Variants in HMCN1 observed in about 807,000 individuals in gnomAD.
HMCN1 encodes hemicentin 1.
HMCN1 carries 321 observed loss-of-function variants against 625.9 expected under a neutral mutation model. The observed-to-expected ratio is 0.51, with a 90% CI of 0.47 to 0.56. The LOEUF (loss-of-function observed/expected upper bound fraction) is 0.56, where lower values mean the gene tolerates loss of function less well. Among genes scored for constraint, HMCN1 ranks in the 20% least tolerant of loss-of-function variants. HMCN1 has a pLI of 0.00. For missense variants in HMCN1, 6,588 were observed against 6,887.3 expected (o/e 0.96, Z 1.54); for synonymous variants, 2,425 against 2,417.6 (o/e 1.00, Z -0.09).
At chr1:186,082,504 G>A (rs943182951) in intron 56 of HMCN1, among the ~76,000 whole-genome samples, 2 of 152,086 alleles carry the variant, frequency 1.3e-5, no homozygotes, top group Non-Finnish European at 2.9e-5. Context: ...AGTCACTTCC[G>A]TCACGCTCTG....
At chr1:185,895,095 TTTG>T (rs1665410560) in intron 4 of HMCN1, among the ~76,000 whole-genome samples, 1 of 95,754 alleles carries the variant, frequency 1.0e-5, no homozygotes, top group African/African-American at 1.2e-4. Context: ...ATTAATATTA[TTTG>T]TTATTTTTTG....
chr1:185,987,625 G>T (rs1043234803), intron 20 of HMCN1, 81 bp downstream of exon 20: 14 of 959,576 alleles, frequency 1.5e-5, no homozygotes, highest in Non-Finnish European at 2.1e-5. Context: ...TTGAGCAGGA[G>T]GCTCAGGAGT....
At chr1:186,085,145 A>T (rs1659394687) in intron 57 of HMCN1, among the ~76,000 whole-genome samples, 1 of 152,054 alleles carries the variant, frequency 6.6e-6, no homozygotes, top group African/African-American at 2.4e-5. Flanking sequence ...ACTGATTGCG[A>T]CTTGTCGTTT....
chr1:186,020,481 T>A (rs1654651816), intron 35 of HMCN1, among the ~76,000 whole-genome samples: 1 of 152,040 alleles, frequency 6.6e-6, no homozygotes, highest in East Asian at 1.9e-4. Flanking sequence ...TAATCTCACA[T>A]CTTTGTGCAA....
chr1:186,137,123 A>T (rs1057448270), intron 87 of HMCN1, among the ~76,000 whole-genome samples, 186 bp downstream of exon 87: 3 of 152,236 alleles, frequency 2.0e-5, no homozygotes, highest in African/African-American at 7.2e-5. Context: ...GAGCTTTAAA[A>T]TGCCAAGGTT....
At chr1:185,833,917 A>G (rs749738111) in intron 1 of HMCN1, among the ~76,000 whole-genome samples, 2 of 152,132 alleles carry the variant, frequency 1.3e-5, no homozygotes, top group Admixed American at 6.5e-5. Flanking sequence ...ATTTCTTATT[A>G]TACACACATA....
intron 48 of HMCN1, among the ~76,000 whole-genome samples, chr1:186,063,451 AAGGAAGGAAGGAAGGAAGGAAGGAAG>A (rs1373263802): frequency 4.4e-3 from 30 of 6,896 alleles, no homozygotes; most frequent in African/African-American, 7.0e-3. Flanking sequence ...ACGGAGAGAG[AAGGAAGGAAGGAAGGAAGGAAGGAAG>A]GAAGGAAGGA....
chr1:186,016,450 G>A (rs1345915248), intron 32 of HMCN1, among the ~76,000 whole-genome samples: 1 of 152,040 alleles, frequency 6.6e-6, no homozygotes, highest in Non-Finnish European at 1.5e-5. Flanking sequence ...ATTTTGATAA[G>A]TATACTTGAT....
chr1:185,785,816 G>A (rs557956605), intron 1 of HMCN1, among the ~76,000 whole-genome samples: 5 of 152,174 alleles, frequency 3.3e-5, no homozygotes, highest in Non-Finnish European at 4.4e-5. Flanking sequence ...TCCCAGGACA[G>A]TTCTGGGAAA....
chr1:185,859,346 A>C (rs1406046553), intron 2 of HMCN1, among the ~76,000 whole-genome samples: 1 of 152,172 alleles, frequency 6.6e-6, no homozygotes, highest in Non-Finnish European at 1.5e-5. Context: ...ACATAAGTCA[A>C]TCAAATGTAT....
At chr1:185,958,557 C>T (rs1571619326) in intron 11 of HMCN1, among the ~76,000 whole-genome samples, 1 of 152,174 alleles carries the variant, frequency 6.6e-6, no homozygotes, top group Admixed American at 6.6e-5. Flanking sequence ...TGCTTTGTCA[C>T]ACGTTGCTAT....
chr1:185,895,847 A>G (rs1234135984), intron 4 of HMCN1, among the ~76,000 whole-genome samples: 4 of 152,204 alleles, frequency 2.6e-5, no homozygotes, highest in African/African-American at 9.6e-5. Context: ...TTCCTTGGTA[A>G]GTAAGACACT....
rs1571437756 is a variant in HMCN1 at position 185,845,958 on chromosome 1, T to C, written c.269-68T>C. The C allele has an allele frequency of 3.0e-6, 3 of 997,966 alleles. No individual in the cohort carries two copies. In the East Asian group the frequency reaches 7.2e-5, roughly 24 times the overall value. The allele number at this position is 997,966 out of a possible 1,614,324, so 61.8% of individuals were successfully genotyped here. A position where few individuals can be genotyped will look rare whatever the true frequency, so the allele number is the denominator to read the frequency against. On this transcript the variant is annotated intron_variant, in intron 1 of 106. Transcript: ENST00000271588. ...GTACTGCAAGGTGAAAAGACATCTA[T>C]AAACACAAGAAAGTCTTTAATGCCA...
At chr1:185,984,428 T>G in intron 19 of HMCN1, 115 bp downstream of exon 19, 5 of 1,028,246 alleles carry the variant, frequency 4.9e-6, no homozygotes, top group Non-Finnish European at 7.6e-6. Flanking sequence ...TCTTAATTGT[T>G]ATTTCCTATT....
chr1:186,057,722 G>C lies in HMCN1; in HGVS notation c.7312+321G>C, dbSNP rs559680820. On this transcript the variant is annotated intron_variant, in intron 46 of 106. Coordinates refer to ENST00000271588, the MANE Select transcript of HMCN1 (RefSeq NM_031935.3). ...AATAATTATAGGAAGTGCTGAAATTGAATTCAAATTCTACAGTGAATCCTA... is the reference window on the plus strand; with the variant it reads ...AATAATTATAGGAAGTGCTGAAATTCAATTCAAATTCTACAGTGAATCCTA... Among the ~76,000 whole-genome samples, 111 of 152,080 alleles carry C rather than the reference G, an allele frequency of 7.3e-4. 1 individual carries two copies. The highest frequency in any genetic ancestry group is 3.4e-3 in the Middle Eastern group (1 of 294).
intron 6 of HMCN1, among the ~76,000 whole-genome samples, chr1:185,914,095 C>T (rs1287111353): frequency 6.6e-6 from 1 of 152,068 alleles, no homozygotes; most frequent in African/African-American, 2.4e-5. Flanking sequence ...AGGATTAGTG[C>T]TAACAACAAC....
intron 11 of HMCN1, among the ~76,000 whole-genome samples, chr1:185,940,714 G>A (rs1668036822): frequency 1.3e-5 from 2 of 151,986 alleles, no homozygotes; most frequent in Admixed American, 6.6e-5. Context: ...TCCTACAGTT[G>A]CTAGTCATCT....
intron 27 of HMCN1, 83 bp downstream of exon 27, chr1:186,001,511 A>C: frequency 6.3e-7 from 1 of 1,597,006 alleles, no homozygotes; most frequent in Non-Finnish European, 8.6e-7. Flanking sequence ...CTTACTACTA[A>C]TAATATAAAC....
At chr1:186,166,498 C>G (rs992529026) in intron 99 of HMCN1, among the ~76,000 whole-genome samples, 195 bp downstream of exon 99, 1 of 152,228 alleles carries the variant, frequency 6.6e-6, no homozygotes, top group East Asian at 1.9e-4. Context: ...ATGTGGGGCA[C>G]TCTCAAGGCA....
Sources: gnomAD v4.1 joint callset for allele counts (sites outside exome capture counted in the v4.1 genomes callset) on GRCh38, gnomAD v4.1.1 for gene constraint, MANE v1.5 for transcripts, NCBI Gene and HGNC (gene_info 2026-07-23, HGNC 2026-07-21) for gene names.